DIXDC1: variants seen among roughly 807,000 people sequenced by gnomAD.
DIXDC1 encodes dixin.
In DIXDC1, 64 loss-of-function variants were observed where a neutral mutation model predicts 103.1. The ratio of observed to expected loss-of-function variants is 0.62; its 90% CI spans 0.51 to 0.76. The LOEUF (loss-of-function observed/expected upper bound fraction) is 0.76, where lower values mean the gene tolerates loss of function less well. DIXDC1 is among the 30% of genes least tolerant of loss of function. DIXDC1 has a pLI of 0.00. For missense variants in DIXDC1, 759 were observed against 834.2 expected (o/e 0.91, Z 1.11); for synonymous variants, 266 against 298.5 (o/e 0.89, Z 1.12).
At chr11:111,974,530 G>A (rs1365615442) in intron 4 of DIXDC1, among the ~76,000 whole-genome samples, 1 of 152,206 alleles carries the variant, frequency 6.6e-6, no homozygotes, top group Non-Finnish European at 1.5e-5. Context: ...GGCACAGTGT[G>A]TTTTCTTCAC....
At chr11:111,975,311 T>C (rs1860061926) in intron 5 of DIXDC1, 1 of 1,148,518 alleles carries the variant, frequency 8.7e-7, no homozygotes, top group Admixed American at 3.9e-5. Flanking sequence ...CCAGTGTTTA[T>C]GATAGCCAGT....
At chr11:111,947,951 G>A (rs1330973869) in intron 1 of DIXDC1, among the ~76,000 whole-genome samples, 1 of 152,154 alleles carries the variant, frequency 6.6e-6, no homozygotes, top group Non-Finnish European at 1.5e-5. Flanking sequence ...CCAGGAGTTC[G>A]AGACTAGCCT....
chr11:111,993,720 A>G lies in DIXDC1; in HGVS notation c.1417A>G (p.Met473Val), dbSNP rs782796556. ...CAAAGATGTCCTCTTGGCTCACTGTATGAAAAGAGAGGCAGATGAGGTAAC... is the reference window on the plus strand; with the variant it reads ...CAAAGATGTCCTCTTGGCTCACTGTGTGAAAAGAGAGGCAGATGAGGTAAC... ...EHKDVLLAHC[M>V]KREADEATNY... is the part of the protein sequence containing the mutation. The change falls in exon 14 of 20, where the codon ATG becomes GTG. Residue 473 changes from methionine to valine, a missense_variant. By Grantham distance (21) the Met-to-Val change is conservative (BLOSUM62 1). This residue lies in a region of DIXDC1 where 657 missense variants were observed against 727.5 expected (regional missense o/e 0.90). Transcript: ENST00000440460. 2 of 1,614,038 alleles carry G rather than the reference A, an allele frequency of 1.2e-6. No individual in the cohort carries two copies. Among genetic ancestry groups the G allele is most frequent in the Middle Eastern group, 1.6e-4 (1 of 6,062 alleles).
At position 111,939,051 on chromosome 11, in the gene DIXDC1, G is replaced by A. The variant is rs587769512; in HGVS notation, c.60+1492G>A. On this transcript the variant is annotated intron_variant, in intron 1 of 19. Transcript: ENST00000440460. ...ACTCTCTGCCTTTGGGCTGCCCCTG[G>A]TCTTTAGCTGCGTAAGTCTGACTCA... 2.0e-5 allele frequency among the ~76,000 whole-genome samples: 3 copies of A among 152,302 alleles called. No homozygotes were observed. The South Asian group carries it at 6.2e-4, about 32-fold the overall frequency.
rs587743293 is a variant in DIXDC1 at position 112,000,589 on chromosome 11, C to T, written c.1756+4443C>T. Among the ~76,000 whole-genome samples the T allele has an allele frequency of 2.9e-3, 442 of 150,958 alleles. 1 individual carries two copies. Among genetic ancestry groups the T allele is most frequent in the Non-Finnish European group, 5.4e-3 (363 of 67,736 alleles). On this transcript the variant is annotated intron_variant, in intron 17 of 19. Transcript: ENST00000440460. ...GTACGCACCTGTAGTCCCAGCTACT[C>T]GGGGGGCTGAGGCAGAAGAATCACT... is the stretch of plus-strand genomic sequence containing the variant.
At chr11:111,986,796 T>G (rs757796941) in intron 8 of DIXDC1, 75 bp from the exon 9 acceptor site, 106 of 1,367,104 alleles carry the variant, frequency 7.8e-5, no homozygotes, top group Non-Finnish European at 1.0e-4. Context: ...TAGTGCTCAA[T>G]AAATATTTGT....
intron 8 of DIXDC1, among the ~76,000 whole-genome samples, chr11:111,985,613 C>G (rs1860463649): frequency 6.6e-6 from 1 of 151,996 alleles, no homozygotes; most frequent in Non-Finnish European, 1.5e-5. Context: ...TTTGAAGCTT[C>G]TCGTTTTCTG....
intron 1 of DIXDC1, among the ~76,000 whole-genome samples, chr11:111,961,038 C>T (rs1794235551): frequency 6.6e-6 from 1 of 152,210 alleles, no homozygotes; most frequent in African/African-American, 2.4e-5. Context: ...TGGGTCAGTG[C>T]TTCTCATGCT....
At chr11:111,960,406 T>G (rs192589218) in intron 1 of DIXDC1, among the ~76,000 whole-genome samples, 1 of 150,570 alleles carries the variant, frequency 6.6e-6, no homozygotes, top group Non-Finnish European at 1.5e-5. Context: ...CCAGCCTGGC[T>G]AACATGGTGA....
intron 2 of DIXDC1, among the ~76,000 whole-genome samples, chr11:111,930,996 G>A (rs980343422): frequency 6.6e-6 from 1 of 151,508 alleles, no homozygotes; most frequent in Admixed American, 6.6e-5. Context: ...TGGGATTACC[G>A]GTGCCCACCA....
chr11:111,954,289 G>A (rs587739443), intron 1 of DIXDC1, among the ~76,000 whole-genome samples: 51 of 152,202 alleles, frequency 3.4e-4, no homozygotes, highest in Middle Eastern at 3.4e-3. Context: ...TTCCTCACAT[G>A]CACAGTTCAC....
At chr11:111,931,067 T>A (rs192695749) in intron 2 of DIXDC1, among the ~76,000 whole-genome samples, 95 of 152,040 alleles carry the variant, frequency 6.2e-4, no homozygotes, top group African/African-American at 2.2e-3. Flanking sequence ...TTGATCAGGC[T>A]GGTCTCGAAC....
rs766175028 is a variant in DIXDC1, at chr11:111,977,094, T to A, written c.656+2111T>A. The A allele has an allele frequency of 5.2e-5, 11 of 211,008 alleles. No homozygotes were observed. Among genetic ancestry groups the A allele is most frequent in the Non-Finnish European group, 9.0e-5 (11 of 121,764 alleles). The allele number at this position is 211,008 out of a possible 1,614,324, so 13.1% of individuals were successfully genotyped here. On this transcript the variant is annotated intron_variant, in intron 5 of 19. Coordinates refer to ENST00000440460, the MANE Select transcript of DIXDC1 (RefSeq NM_001037954.4). This position sits in a 1 kb window ranked among gnomAD's most constrained non-coding sequence, Gnocchi z 6.1. ...GCCGATACGCGGCTCTTCCCCTGCC[T>A]ATCCTGAGGCTCCCAATCTCCTCTC...
chr11:111,996,723 G>A (rs941179155), intron 17 of DIXDC1, among the ~76,000 whole-genome samples: 1 of 152,086 alleles, frequency 6.6e-6, no homozygotes, highest in South Asian at 2.1e-4. Flanking sequence ...GGTGGCACAC[G>A]CCTGTAATCC....
rs587707020 is a variant in DIXDC1, at chr11:111,954,355, G to A, written c.61-10194G>A. ...TCCCACCGCTGATCTGAAGTGAGGC[G>A]GAGGTCAGGTGGTAATGTGAGCAAT... On this transcript the variant is annotated intron_variant, in intron 1 of 19. Coordinates refer to ENST00000440460, the MANE Select transcript of DIXDC1 (RefSeq NM_001037954.4). Among the ~76,000 whole-genome samples, 7 of 152,224 alleles carry A rather than the reference G, an allele frequency of 4.6e-5. No individual in the cohort carries two copies. The East Asian group carries it at 1.4e-3, about 29-fold the overall frequency.
chr11:111,980,398 G>A (rs1860257880), intron 5 of DIXDC1, among the ~76,000 whole-genome samples: 1 of 152,212 alleles, frequency 6.6e-6, no homozygotes, highest in Admixed American at 6.5e-5. Flanking sequence ...GATGGAGGAG[G>A]TGGTGGGAGG....
chr11:111,982,278 G>T (rs1357454147), intron 6 of DIXDC1, 61 bp from the exon 7 acceptor site: 6 of 1,565,098 alleles, frequency 3.8e-6, no homozygotes, highest in Non-Finnish European at 5.2e-6. Context: ...CCCTGTGAAC[G>T]CTGTCTGCTG....
At position 111,937,513 on chromosome 11, in the gene DIXDC1, T is replaced by G. The variant is rs587684441; in HGVS notation, c.14T>G (p.Leu5Arg). 1.0e-4 allele frequency: 160 copies of G among 1,594,710 alleles called. 1 individual carries two copies. The South Asian group carries it at 1.7e-3, about 17-fold the overall frequency. MLAC[L>R]TRGNLLDVLQ... is the part of the protein sequence containing the mutation. ...CCAGCAGGAACAATGCTAGCCTGCC[T>G]GACCCGAGGGAACTTACTGGACGTC... Residue 5 changes from leucine to arginine, a missense_variant, in exon 1 of 20, where the codon CTG (leucine) becomes CGG (arginine). Physicochemically the swap from Leu to Arg is moderately radical, Grantham distance 102. Coordinates refer to ENST00000440460, the MANE Select transcript of DIXDC1 (RefSeq NM_001037954.4).
chr11:111,993,141 C>G, intron 12 of DIXDC1, 137 bp downstream of exon 12: 1 of 978,802 alleles, frequency 1.0e-6, no homozygotes, highest in Non-Finnish European at 1.5e-6. Flanking sequence ...TAGAAGGAAG[C>G]ATTTTTCTGT....
Sources: allele counts gnomAD v4.1 joint callset (sites outside exome capture counted in the v4.1 genomes callset), GRCh38; gene constraint gnomAD v4.1.1; regional missense constraint gnomAD v4.1.1; non-coding constraint Gnocchi (gnomAD v3.1); transcripts MANE v1.5; gene names NCBI Gene and HGNC (gene_info 2026-07-23, HGNC 2026-07-21).